FSD1L: variants seen among roughly 807,000 people sequenced by gnomAD.
FSD1L encodes fibronectin type III and SPRY domain containing 1 like, also known as FSD1-like protein.
Under a neutral mutation model 71.6 loss-of-function variants are expected in FSD1L, and 45 were observed. The observed-to-expected ratio is 0.63, with a 90% CI of 0.49 to 0.81. The LOEUF (loss-of-function observed/expected upper bound fraction) is 0.81, where lower values mean the gene tolerates loss of function less well. FSD1L is among the 30% of genes least tolerant of loss of function. FSD1L has a pLI of 0.00. For missense variants in FSD1L, 561 were observed against 618.1 expected (o/e 0.91, Z 0.98); for synonymous variants, 197 against 207.2 (o/e 0.95, Z 0.42).
rs1343212618 is a variant in FSD1L, at chr9:105,465,658, A to G, written c.207+1327A>G. On this transcript the variant is annotated intron_variant, in intron 3 of 13. Transcript: ENST00000481272. ...CAAAACTAAAGACAAAAAAAAGTGTATGGTTATCTTAGTAGATGCAGAAAA... is the reference window on the plus strand; with the variant it reads ...CAAAACTAAAGACAAAAAAAAGTGTGTGGTTATCTTAGTAGATGCAGAAAA... Among the ~76,000 whole-genome samples the G allele has an allele frequency of 1.1e-4, 16 of 152,224 alleles. 1 individual carries two copies. Among genetic ancestry groups the G allele is most frequent in the Admixed American group, 9.2e-4 (14 of 15,292 alleles).
chr9:105,483,085 G>T (rs1162872266), intron 6 of FSD1L, among the ~76,000 whole-genome samples: 1 of 152,108 alleles, frequency 6.6e-6, no homozygotes, highest in Non-Finnish European at 1.5e-5. Flanking sequence ...TTGAGAGACG[G>T]GTTAGTGTAG....
intron 12 of FSD1L, among the ~76,000 whole-genome samples, chr9:105,536,598 C>A (rs1836278067): frequency 6.6e-6 from 1 of 151,878 alleles, no homozygotes; most frequent in African/African-American, 2.4e-5. Flanking sequence ...TTGTCTTTTT[C>A]TTTTGTTAGG....
chr9:105,546,345 T>C lies in FSD1L; in HGVS notation c.1468-13T>C. ...TGATTTGCAATCTGACAGGTTTTTT[T>C]GTCTTTTCTTAGGTATGGTGTGGTG... On this transcript the variant is annotated splice_polypyrimidine_tract_variant and intron_variant, in intron 13 of 13. Transcript: ENST00000481272. 1 of 1,508,146 alleles carries C rather than the reference T, an allele frequency of 6.6e-7. No individual in the cohort carries two copies. Among genetic ancestry groups the C allele is most frequent in the East Asian group, 2.5e-5 (1 of 40,552 alleles). The allele number at this position is 1,508,146 out of a possible 1,614,324, so 93.4% of individuals were successfully genotyped here. A position where few individuals can be genotyped will look rare whatever the true frequency, so the allele number is the denominator to read the frequency against.
intron 6 of FSD1L, among the ~76,000 whole-genome samples, chr9:105,482,160 A>C (rs1213567109): frequency 1.3e-5 from 2 of 152,250 alleles, no homozygotes; most frequent in Non-Finnish European, 2.9e-5. Context: ...ATAAAAAATG[A>C]AAATGTCTGT....
chr9:105,458,958 G>C (rs140928737), intron 1 of FSD1L, among the ~76,000 whole-genome samples: 69 of 152,120 alleles, frequency 4.5e-4, no homozygotes, highest in Non-Finnish European at 8.2e-4. Flanking sequence ...GGATAGACTG[G>C]GGTAGAAAAC....
At chr9:105,485,072 A>C (rs1832447663) in intron 7 of FSD1L, among the ~76,000 whole-genome samples, 1 of 152,238 alleles carries the variant, frequency 6.6e-6, no homozygotes, top group Admixed American at 6.5e-5. Context: ...AGGATATTGC[A>C]GTAGCCAAAA....
intron 9 of FSD1L, among the ~76,000 whole-genome samples, chr9:105,509,132 T>C (rs1834249195): frequency 6.6e-6 from 1 of 152,210 alleles, no homozygotes; most frequent in Non-Finnish European, 1.5e-5. Flanking sequence ...TTTATATAGT[T>C]TATTAATGGT....
chr9:105,443,612 G>T (rs980343046), upstream of FSD1L, among the ~76,000 whole-genome samples: 5 of 152,214 alleles, frequency 3.3e-5, no homozygotes, highest in Admixed American at 2.0e-4. Flanking sequence ...GATTTTGGGT[G>T]ACTTTGGATT....
At chr9:105,505,522 G>T (rs1834006597) in intron 7 of FSD1L, among the ~76,000 whole-genome samples, 1 of 152,184 alleles carries the variant, frequency 6.6e-6, no homozygotes, top group South Asian at 2.1e-4. Flanking sequence ...GCCTCCCAAA[G>T]TGCTGGGATT....
In FSD1L at chr9:105,546,807, C is replaced by T. The variant is rs1481456089; in HGVS notation, c.*324C>T. Reference sequence around the variant, plus strand: ...TAATGTTTAATTACATATGGTAACCCTAAGGCCTGGGGAGAAAAGCTTTTA... The same window carrying T: ...TAATGTTTAATTACATATGGTAACCTTAAGGCCTGGGGAGAAAAGCTTTTA... On this transcript the variant is annotated 3_prime_UTR_variant, in exon 14 of 14. Transcript: ENST00000481272. The T allele has an allele frequency of 3.7e-5, 6 of 162,344 alleles. No individual in the cohort carries two copies. The highest frequency in any genetic ancestry group is 8.0e-5 in the Non-Finnish European group (6 of 75,176). 10.1% of individuals were successfully genotyped at this position (162,344 alleles called of 1,614,324 possible).
chr9:105,461,640 G>C (rs1830705662), intron 2 of FSD1L, 25 bp downstream of exon 2: 1 of 1,381,222 alleles, frequency 7.2e-7, no homozygotes, highest in Non-Finnish European at 1.0e-6. Context: ...AAGGAGCAGA[G>C]GTTTTAACTT....
intron 4 of FSD1L, 28 bp downstream of exon 4, chr9:105,468,352 G>A (rs1233615200): frequency 2.7e-6 from 4 of 1,456,446 alleles, no homozygotes. Flanking sequence ...TTGAAATATG[G>A]ATAATTTTAG....
At chr9:105,456,830 C>T (rs1830387979) in intron 1 of FSD1L, among the ~76,000 whole-genome samples, 1 of 152,198 alleles carries the variant, frequency 6.6e-6, no homozygotes, top group African/African-American at 2.4e-5. Context: ...AGACCTGTGT[C>T]ACCTAGAACT....
Position 105,547,648 on chromosome 9 carries a change from A to T in FSD1L, c.*1165A>T, listed in dbSNP as rs140750148. 843 of 152,196 alleles carry T rather than the reference A, an allele frequency of 5.5e-3. 9 individuals are homozygous for T. Among genetic ancestry groups the T allele is most frequent in the African/African-American group, 0.02 (816 of 41,550 alleles). 9.4% of individuals were successfully genotyped at this position (152,196 alleles called of 1,614,324 possible). A position where few individuals can be genotyped will look rare whatever the true frequency, so the allele number is the denominator to read the frequency against. The stretch of plus-strand genomic sequence containing the variant: ...TTTCAAAGAAATGTTAATTATTACA[A>T]AAATTGACATAGATATCTTTCCCAA... On this transcript the variant is annotated 3_prime_UTR_variant, in exon 14 of 14. Coordinates refer to ENST00000481272, the MANE Select transcript of FSD1L (RefSeq NM_001145313.3).
chr9:105,492,450 G>C lies in FSD1L; in HGVS notation c.586+7948G>C, dbSNP rs548980096. On this transcript the variant is annotated intron_variant, in intron 7 of 13. Coordinates refer to ENST00000481272, the MANE Select transcript of FSD1L (RefSeq NM_001145313.3). ...TTTGTTCATCCTTTCAAAAAACCAG[G>C]TCCTGGATTCATTAATTTTTTGAAG... Among the ~76,000 whole-genome samples, 605 of 152,012 alleles carry C rather than the reference G, an allele frequency of 4.0e-3. 8 individuals are homozygous for C. The highest frequency in any genetic ancestry group is 0.013 in the African/African-American group (542 of 41,478).
Position 105,546,490 on chromosome 9 carries a change from C to T in FSD1L, c.*7C>T. The stretch of plus-strand genomic sequence containing the variant: ...CAATGTTGTTACTCAATAGTGTCTA[C>T]TCAGAATACGTTTACCCTCCGTCTT... On this transcript the variant is annotated 3_prime_UTR_variant, in exon 14 of 14. Transcript: ENST00000481272. 7.2e-6 allele frequency: 11 copies of T among 1,535,246 alleles called. No individual in the cohort carries two copies. Among genetic ancestry groups the T allele is most frequent in the Non-Finnish European group, 9.6e-6 (11 of 1,141,044 alleles).
At position 105,551,665 on chromosome 9, in the gene FSD1L, AT is replaced by A. The variant is rs1253735656; in HGVS notation, c.*5183del. 6.6e-6 allele frequency: 1 copy of A among 152,192 alleles called. No individual in the cohort carries two copies. The highest frequency in any genetic ancestry group is 1.5e-5 in the Non-Finnish European group (1 of 68,008). 9.4% of individuals were successfully genotyped at this position (152,192 alleles called of 1,614,324 possible). A position where few individuals can be genotyped will look rare whatever the true frequency, so the allele number is the denominator to read the frequency against. On this transcript the variant is annotated 3_prime_UTR_variant, in exon 14 of 14. Transcript: ENST00000481272. ...AAAACCCCAATTAAAATGTTCTTTA[AT>A]ATTCATTTAATTTGTGCATGACTTG... is the stretch of plus-strand genomic sequence containing the variant.
At chr9:105,541,821 GTAACC>G (rs751887582) in intron 13 of FSD1L, among the ~76,000 whole-genome samples, 9 of 152,136 alleles carry the variant, frequency 5.9e-5, no homozygotes, top group South Asian at 2.1e-4. Flanking sequence ...CTAGCTATCA[GTAACC>G]AGTTCGTAGG....
chr9:105,452,641 GCC>G (rs1830084850), intron 1 of FSD1L, among the ~76,000 whole-genome samples: 1 of 111,654 alleles, frequency 9.0e-6, no homozygotes, highest in Non-Finnish European at 1.9e-5. Context: ...CTGCCTGCCT[GCC>G]TGCCTGCCTG....
Sources: gnomAD v4.1 joint callset for allele counts (sites outside exome capture counted in the v4.1 genomes callset) on GRCh38, gnomAD v4.1.1 for gene constraint, MANE v1.5 for transcripts, NCBI Gene and HGNC (gene_info 2026-07-23, HGNC 2026-07-21) for gene names.